Variants in SYNPO observed in about 807,000 individuals in gnomAD.
The protein encoded by SYNPO is synaptopodin.
In SYNPO, 19 loss-of-function variants were observed where a neutral mutation model predicts 49.5. The ratio of observed to expected loss-of-function variants is 0.38; its 90% CI spans 0.27 to 0.56. SYNPO has a LOEUF of 0.56. Ranked by LOEUF, SYNPO falls within the 20% of genes least tolerant of loss-of-function variation. The probability of loss-of-function intolerance (pLI) is 0.68; values close to 1 mark genes in which losing one functional copy is unlikely to be tolerated. For synonymous variants in SYNPO, 536 were observed against 548.0 expected, an observed-to-expected ratio of 0.98 and a Z score of 0.31; for missense variants, 1,131 against 1,248.3, an observed-to-expected ratio of 0.91 and a Z score of 1.42.
intron 2 of SYNPO, among the ~76,000 whole-genome samples, chr5:150,625,693 G>GC (rs1430502149): frequency 6.6e-6 from 1 of 152,228 alleles, no homozygotes; most frequent in African/African-American, 2.4e-5. Context: ...ACTGTCCAGA[G>GC]CCCTGGCAGG....
At chr5:150,654,039 T>A (rs1430090992) in intron 2 of SYNPO, 1 of 152,180 alleles carries the variant, frequency 6.6e-6, no homozygotes, top group Non-Finnish European at 1.5e-5. Context: ...TGGGAGGAAT[T>A]AGAAGACTCT....
rs759517134 is a variant in SYNPO at position 150,648,418 on chromosome 5, G to A, written c.143G>A (p.Arg48Gln). 3.0e-5 allele frequency: 49 copies of A among 1,614,028 alleles called. No homozygotes were observed. The highest frequency in any genetic ancestry group is 1.1e-4 in the African/African-American group (8 of 74,882). Residue 48 changes from arginine to glutamine, a missense_variant, in exon 2 of 3, where the codon CGA (arginine) becomes CAA (glutamine). By Grantham distance (43) the Arg-to-Gln change is conservative. Coordinates refer to ENST00000307662, the MANE Select transcript of SYNPO (RefSeq NM_007286.6). This position sits in a 1 kb window ranked among gnomAD's most constrained non-coding sequence, Gnocchi z 5.0. ...TANGLHLSQN[R>Q]EAQQSSPAPP... ...AATGGGCTGCACCTGTCCCAAAACCGAGAGGCCCAGCAGTCCTCACCGGCC... is the reference window on the plus strand; with the variant it reads ...AATGGGCTGCACCTGTCCCAAAACCAAGAGGCCCAGCAGTCCTCACCGGCC...
chr5:150,646,365 A>G (rs1758092787), intron 1 of SYNPO, among the ~76,000 whole-genome samples: 1 of 152,146 alleles, frequency 6.6e-6, no homozygotes, highest in Non-Finnish European at 1.5e-5. Flanking sequence ...AATAAAAATG[A>G]ATGAATAAAT....
chr5:150,649,572 G>C lies in SYNPO; in HGVS notation c.1297G>C (p.Glu433Gln), dbSNP rs1157319344. The C allele has an allele frequency of 6.2e-7, 1 of 1,610,476 alleles. No individual in the cohort carries two copies. Among genetic ancestry groups the C allele is most frequent in the Non-Finnish European group, 8.5e-7 (1 of 1,178,582 alleles). The change falls in exon 2 of 3, where the codon GAG (glutamate) becomes CAG (glutamine). Residue 433 changes from glutamate (E) to glutamine (Q), a missense_variant. Coordinates refer to ENST00000307662, the MANE Select transcript of SYNPO (RefSeq NM_007286.6). Reference sequence around the variant, plus strand: ...GGCCGAGGCCTCCAACTTCCAGCAGGAGCCAGCACCTCGTGACAGGGCCAG... The same window carrying C: ...GGCCGAGGCCTCCAACTTCCAGCAGCAGCCAGCACCTCGTGACAGGGCCAG... ...LGAEASNFQQ[E>Q]PAPRDRASPA...
Position 150,656,541 on chromosome 5 carries a change from G to A in SYNPO, c.2166G>A (p.Leu722=), listed in dbSNP as rs2151434700. The A allele has an allele frequency of 6.5e-7, 1 of 1,528,018 alleles. No individual in the cohort carries two copies. Among genetic ancestry groups the A allele is most frequent in the Non-Finnish European group, 8.7e-7 (1 of 1,143,854 alleles). 94.7% of individuals were successfully genotyped at this position (1,528,018 alleles called of 1,614,324 possible). The stretch of plus-strand genomic sequence containing the variant: ...GCAGCATGAGCAGCCCCCCGCCGCT[G>A]CCGCCGCCACCGCCCATGTCTCCCT... ...RGSSMSSPPP[L]PPPPPMSPSW... Residue 722 remains leucine (L), a synonymous_variant, in exon 3 of 3, where the codon CTG becomes CTA. Coordinates refer to ENST00000307662, the MANE Select transcript of SYNPO (RefSeq NM_007286.6).
chr5:150,600,518 G>A (rs1175671749), upstream of SYNPO, among the ~76,000 whole-genome samples: 1 of 152,260 alleles, frequency 6.6e-6, no homozygotes, highest in African/African-American at 2.4e-5. Flanking sequence ...CCCTTTCTGA[G>A]CCTTGGCTCC....
At chr5:150,650,370 C>T (rs573110729) in intron 2 of SYNPO, 67 bp downstream of exon 2, 2 of 1,596,936 alleles carry the variant, frequency 1.3e-6, no homozygotes, top group South Asian at 2.2e-5. Context: ...GTCAAGTTCC[C>T]CTCCTTGAGG....
intron 2 of SYNPO, chr5:150,653,796 T>G (rs774369725): frequency 6.6e-6 from 1 of 152,172 alleles, no homozygotes; most frequent in Non-Finnish European, 1.5e-5. Context: ...AAGAAAACAG[T>G]GGGATCCCAG....
exon 2 of SYNPO, chr5:150,618,398 C>T (rs1215344574): frequency 5.8e-6 from 9 of 1,551,550 alleles, no homozygotes; most frequent in Admixed American, 3.9e-5. Context: ...ACCTCCGCCC[C>T]TTGCACCCAG....
chr5:150,656,365 G>C, intron 2 of SYNPO, 39 bp from the exon 3 acceptor site: 1 of 1,470,274 alleles, frequency 6.8e-7, no homozygotes, highest in African/African-American at 1.4e-5. Flanking sequence ...GAAGACCTCA[G>C]CACTAATGCC....
chr5:150,601,612 C>T (rs1756544607), intron 1 of SYNPO, among the ~76,000 whole-genome samples: 1 of 152,188 alleles, frequency 6.6e-6, no homozygotes, highest in Admixed American at 6.5e-5. Flanking sequence ...AGCCTGTCTG[C>T]AGGTCGGTGG....
upstream of SYNPO, among the ~76,000 whole-genome samples, chr5:150,596,962 G>A (rs554018622): frequency 4.6e-5 from 7 of 152,352 alleles, no homozygotes; most frequent in African/African-American, 1.7e-4. Flanking sequence ...ATTCTAGAAG[G>A]GGAACCTAGA....
At chr5:150,598,998 G>A (rs960373294), upstream of SYNPO, among the ~76,000 whole-genome samples, 9 of 152,206 alleles carry the variant, frequency 5.9e-5, no homozygotes, top group African/African-American at 1.9e-4. Context: ...CAAGGGTGAC[G>A]ACAAGGACAC....
chr5:150,635,120 C>T lies in SYNPO; in HGVS notation c.401-12824C>T, dbSNP rs573815734. On this transcript the variant is annotated intron_variant, in intron 2 of 2. Transcript: ENST00000394243. ...CAGGCTGGCAGGAAGGAAACACATA[C>T]GTCCCACAAGGTGTGTACCTGATGC... is the stretch of plus-strand genomic sequence containing the variant. 1.8e-4 allele frequency among the ~76,000 whole-genome samples: 27 copies of T among 152,380 alleles called. No homozygotes were observed. In the East Asian group the frequency reaches 4.6e-3, roughly 26 times the overall value.
In SYNPO at chr5:150,650,125, C is replaced by T. The variant is rs769668183; in HGVS notation, c.1850C>T (p.Ser617Leu). Reference sequence around the variant, plus strand: ...CCATCTCCTGCCCTGCCTCGGCCCTCGCGCTCCTCACCGGGCCTCTACACC... The same window carrying T: ...CCATCTCCTGCCCTGCCTCGGCCCTTGCGCTCCTCACCGGGCCTCTACACC... ...LPPSPALPRP[S>L]RSSPGLYTSP... The change falls in exon 2 of 3, where the codon TCG (serine) becomes TTG (leucine). Residue 617 changes from serine to leucine, a missense_variant. Transcript: ENST00000307662. The T allele has an allele frequency of 1.4e-5, 23 of 1,612,902 alleles. No individual in the cohort carries two copies. Among genetic ancestry groups the T allele is most frequent in the South Asian group, 5.5e-5 (5 of 91,054 alleles).
chr5:150,655,548 CCA>C (rs1420727640), intron 2 of SYNPO, among the ~76,000 whole-genome samples: 1 of 152,260 alleles, frequency 6.6e-6, no homozygotes, highest in Non-Finnish European at 1.5e-5. Flanking sequence ...CCGGGATGTG[CCA>C]CAGACAGAGC....
chr5:150,606,580 G>A (rs763752684), intron 1 of SYNPO, among the ~76,000 whole-genome samples: 5 of 152,216 alleles, frequency 3.3e-5, no homozygotes, highest in Non-Finnish European at 5.9e-5. Flanking sequence ...CTTGCTCTGC[G>A]CCGGGCATGG....
chr5:150,606,996 A>G (rs138373468), intron 1 of SYNPO, among the ~76,000 whole-genome samples: 2 of 151,512 alleles, frequency 1.3e-5, no homozygotes, highest in African/African-American at 4.9e-5. Flanking sequence ...TTGACAAAAC[A>G]TATTTCCCTT....
intron 1 of SYNPO, among the ~76,000 whole-genome samples, chr5:150,646,970 C>T (rs1283543537): frequency 4.6e-5 from 7 of 152,040 alleles, no homozygotes; most frequent in Admixed American, 3.3e-4. Context: ...TGGCCGGGCA[C>T]GGTGGCTCAC....
Sources: gnomAD v4.1 joint callset for allele counts (sites outside exome capture counted in the v4.1 genomes callset) on GRCh38, gnomAD v4.1.1 for gene constraint, Gnocchi (gnomAD v3.1) non-coding constraint, MANE v1.5 for transcripts, NCBI Gene and HGNC (gene_info 2026-07-23, HGNC 2026-07-21) for gene names.